Variants in BACE2 observed in about 807,000 individuals in gnomAD.
BACE2 encodes 56 kDa aspartic-like protease.
BACE2 carries 17 observed loss-of-function variants against 46.2 expected under a neutral mutation model. That is an observed-to-expected ratio of 0.37 (90% CI 0.25 to 0.55). The LOEUF (loss-of-function observed/expected upper bound fraction) is 0.55. Ranked by LOEUF, BACE2 falls within the 20% of genes least tolerant of loss-of-function variation. The probability of loss-of-function intolerance (pLI) is 0.82; values close to 1 mark genes in which losing one functional copy is unlikely to be tolerated. For missense variants in BACE2, 595 were observed against 698.1 expected (o/e 0.85, Z 1.66); for synonymous variants, 277 against 295.9 (o/e 0.94, Z 0.66).
At chr21:41,247,694 T>C (rs1987513532) in intron 6 of BACE2, among the ~76,000 whole-genome samples, 1 of 152,246 alleles carries the variant, frequency 6.6e-6, no homozygotes, top group Admixed American at 6.5e-5. Context: ...CCCGAGCTCA[T>C]CGTGGCATGC....
chr21:41,257,469 A>C, intron 8 of BACE2, 143 bp downstream of exon 8: 3 of 979,298 alleles, frequency 3.1e-6, no homozygotes, highest in Non-Finnish European at 2.9e-6. Context: ...AAATCTTCTC[A>C]ATAAAATGGG....
At chr21:41,263,445 A>G (rs1987990116) in intron 8 of BACE2, among the ~76,000 whole-genome samples, 1 of 152,230 alleles carries the variant, frequency 6.6e-6, no homozygotes, top group Non-Finnish European at 1.5e-5. Flanking sequence ...AAAGTCAACC[A>G]AAGGAAAACA....
chr21:41,272,588 G>A (rs75007172), intron 8 of BACE2, among the ~76,000 whole-genome samples: 3,101 of 151,122 alleles, frequency 0.021, 68 homozygotes, highest in Middle Eastern at 0.051. Context: ...CAACCATCCC[G>A]TATATTTTTC....
Position 41,189,932 on chromosome 21 carries a change from G to A in BACE2, c.312+21357G>A, listed in dbSNP as rs377594023. The stretch of plus-strand genomic sequence containing the variant: ...TCAAAACTGAAGAATTTGGAGTCCA[G>A]TGTTCAAGGGCAGGAAGCGTCCAGT... On this transcript the variant is annotated intron_variant, in intron 1 of 8. Coordinates refer to ENST00000330333, the MANE Select transcript of BACE2 (RefSeq NM_012105.5). 2.6e-4 allele frequency among the ~76,000 whole-genome samples: 39 copies of A among 152,328 alleles called. No individual in the cohort carries two copies. The South Asian group carries it at 5.8e-3, about 23-fold the overall frequency.
At chr21:41,254,806 G>A (rs1388582535) in intron 7 of BACE2, among the ~76,000 whole-genome samples, 5 of 152,226 alleles carry the variant, frequency 3.3e-5, no homozygotes, top group Non-Finnish European at 5.9e-5. Flanking sequence ...CACAGATGCT[G>A]TCTTCTCTCT....
chr21:41,262,898 C>G (rs547293476), intron 8 of BACE2, among the ~76,000 whole-genome samples: 1 of 151,984 alleles, frequency 6.6e-6, no homozygotes, highest in Non-Finnish European at 1.5e-5. Context: ...TTTTTAGAGT[C>G]GTTTGAATTT....
chr21:41,224,159 A>G (rs116611212), intron 1 of BACE2, among the ~76,000 whole-genome samples: 1,555 of 145,728 alleles, frequency 0.011, 22 homozygotes, highest in African/African-American at 0.037. Context: ...TGGCAAAATT[A>G]TTTTATAATT....
chr21:41,231,988 C>T (rs1400643378), intron 2 of BACE2, among the ~76,000 whole-genome samples: 1 of 151,370 alleles, frequency 6.6e-6, no homozygotes, highest in Non-Finnish European at 1.5e-5. Context: ...GTTCAAGGAA[C>T]CCAGAGAATA....
At chr21:41,190,360 C>G (rs184136598) in intron 1 of BACE2, among the ~76,000 whole-genome samples, 2 of 152,128 alleles carry the variant, frequency 1.3e-5, no homozygotes, top group Non-Finnish European at 2.9e-5. Context: ...ATAAAGTTAA[C>G]AATACTTAAA....
chr21:41,235,824 G>A (rs1376673858), intron 2 of BACE2, among the ~76,000 whole-genome samples: 1 of 152,044 alleles, frequency 6.6e-6, no homozygotes, highest in Non-Finnish European at 1.5e-5. Flanking sequence ...CTGGATGACA[G>A]AGCAAGACCT....
intron 8 of BACE2, among the ~76,000 whole-genome samples, chr21:41,260,893 T>A (rs1046345023): frequency 6.6e-6 from 1 of 152,220 alleles, no homozygotes; most frequent in African/African-American, 2.4e-5. Context: ...TTGGTTTATT[T>A]TTTTTTATTT....
rs1377426157 is a variant in BACE2, at chr21:41,275,737, A to G, written c.*113A>G. 2.3e-6 allele frequency: 3 copies of G among 1,302,654 alleles called. No individual in the cohort carries two copies. The highest frequency in any genetic ancestry group is 1.5e-5 in the African/African-American group (1 of 67,914). The allele number at this position is 1,302,654 out of a possible 1,614,324, so 80.7% of individuals were successfully genotyped here. On this transcript the variant is annotated 3_prime_UTR_variant, in exon 9 of 9. Coordinates refer to ENST00000330333, the MANE Select transcript of BACE2 (RefSeq NM_012105.5). The stretch of plus-strand genomic sequence containing the variant: ...TTTCTCCTGTGCCCACCCGTCTTCA[A>G]TCTCTGTTCTGCTCCCAGATGCCTT...
At chr21:41,182,440 G>T in intron 1 of BACE2, 1 of 167,034 alleles carries the variant, frequency 6.0e-6, no homozygotes. Context: ...TGGTTGAACC[G>T]GGGAGCTATT....
At chr21:41,192,258 G>C (rs1047934684) in intron 1 of BACE2, among the ~76,000 whole-genome samples, 1 of 152,194 alleles carries the variant, frequency 6.6e-6, no homozygotes, top group Non-Finnish European at 1.5e-5. Context: ...AACTCCCCAC[G>C]AAGCCATCAG....
intron 7 of BACE2, among the ~76,000 whole-genome samples, chr21:41,251,784 A>C (rs921241496): frequency 6.6e-6 from 1 of 152,116 alleles, no homozygotes; most frequent in Non-Finnish European, 1.5e-5. Context: ...CTGGCGACAG[A>C]GTGAGACTCT....
chr21:41,173,967 T>G (rs2123484191), intron 1 of BACE2, among the ~76,000 whole-genome samples: 1 of 151,924 alleles, frequency 6.6e-6, no homozygotes, highest in East Asian at 1.9e-4. Flanking sequence ...AGGATATATT[T>G]AATATGAAAC....
chr21:41,188,839 C>T (rs1320891495), intron 1 of BACE2, among the ~76,000 whole-genome samples: 1 of 152,170 alleles, frequency 6.6e-6, no homozygotes, highest in Non-Finnish European at 1.5e-5. Context: ...AACCTTAAGC[C>T]TCATGTTCCA....
In BACE2 at chr21:41,245,945, T is replaced by C; in HGVS notation, c.883-17T>C. Reference sequence around the variant, plus strand: ...CACTGTCACTCACGCACCTTTCCCTTTCTCTCCCGGTTCAAGTATAACGCA... The same window carrying C: ...CACTGTCACTCACGCACCTTTCCCTCTCTCTCCCGGTTCAAGTATAACGCA... On this transcript the variant is annotated splice_polypyrimidine_tract_variant and intron_variant, in intron 5 of 8. Coordinates refer to ENST00000330333, the MANE Select transcript of BACE2 (RefSeq NM_012105.5). 6.3e-7 allele frequency: 1 copy of C among 1,590,098 alleles called. No homozygotes were observed. The highest frequency in any genetic ancestry group is 2.3e-5 in the East Asian group (1 of 44,018).
intron 7 of BACE2, 65 bp downstream of exon 7, chr21:41,250,966 C>A: frequency 6.8e-7 from 1 of 1,467,586 alleles, no homozygotes; most frequent in Non-Finnish European, 9.4e-7. Context: ...CCATGCATGA[C>A]ACGTGTATTA....
Sources: gnomAD v4.1 joint callset for allele counts (sites outside exome capture counted in the v4.1 genomes callset) on GRCh38, gnomAD v4.1.1 for gene constraint, MANE v1.5 for transcripts, NCBI Gene and HGNC (gene_info 2026-07-23, HGNC 2026-07-21) for gene names.